VARS1: variants seen among roughly 807,000 people sequenced by gnomAD.
VARS1 encodes valyl-tRNA synthetase 1, also known as valine--tRNA ligase.
Under a neutral mutation model 161.0 loss-of-function variants are expected in VARS1, and 92 were observed. The observed-to-expected ratio is 0.57, with a 90% CI of 0.48 to 0.68. The LOEUF is 0.68. Ranked by LOEUF, VARS1 falls within the 30% of genes least tolerant of loss-of-function variation. VARS1 has a pLI of 0.00. For synonymous variants in VARS1, 595 were observed against 682.5 expected, an observed-to-expected ratio of 0.87 and a Z score of 2.00; for missense variants, 1,338 against 1,695.9, an observed-to-expected ratio of 0.79 and a Z score of 3.71.
At position 31,787,885 on chromosome 6, in the gene VARS1, G is replaced by A. The variant is rs138561526; in HGVS notation, c.1101-2152C>T. 1.2e-3 allele frequency among the ~76,000 whole-genome samples: 182 copies of A among 152,272 alleles called. 1 individual carries two copies. Among genetic ancestry groups the A allele is most frequent in the Non-Finnish European group, 2.4e-3 (161 of 68,008 alleles). On this transcript the variant is annotated intron_variant, in intron 8 of 29. Coordinates refer to ENST00000375663, the MANE Select transcript of VARS1 (RefSeq NM_006295.3). ...TATAATCCCAGCACTTTGGGACGCC[G>A]AGGTACGCGAATCACGAGGTCAGGA...
Position 31,781,721 on chromosome 6 carries a change from G to C in VARS1, c.2388C>G (p.Phe796Leu), listed in dbSNP as rs755472759. 1.2e-6 allele frequency: 2 copies of C among 1,613,042 alleles called. No homozygotes were observed. Among genetic ancestry groups the C allele is most frequent in the South Asian group, 1.1e-5 (1 of 91,090 alleles). ...VLDTWFSSGL[F>L]PLSILGWPNQ... ...TGGGCCAGCCCAAAATGGATAAGGG[G>C]AAGAGGCCAGAGGAGAACCAGGTAT... The change falls in exon 20 of 30, where the codon TTC becomes TTG. Residue 796 changes from phenylalanine (F) to leucine (L), a missense_variant. Phe to Leu is a conservative substitution (Grantham distance 22). Coordinates refer to ENST00000375663, the MANE Select transcript of VARS1 (RefSeq NM_006295.3). The surrounding 1 kb of genome is among the most constrained non-coding windows in gnomAD (Gnocchi z 6.8).
chr6:31,781,404 C>A lies in VARS1; in HGVS notation c.2544+77G>T. ...CACAGCTAACCCCATGCCCCAGCCACGCGGGGTCTGCGCTGCAGCACAGGA... is the reference window on the plus strand; with the variant it reads ...CACAGCTAACCCCATGCCCCAGCCAAGCGGGGTCTGCGCTGCAGCACAGGA... On this transcript the variant is annotated intron_variant, in intron 21 of 29. Transcript: ENST00000375663. This position sits in a 1 kb window ranked among gnomAD's most constrained non-coding sequence, Gnocchi z 6.8. 2.6e-6 allele frequency: 4 copies of A among 1,559,634 alleles called. No homozygotes were observed. The highest frequency in any genetic ancestry group is 2.6e-6 in the Non-Finnish European group (3 of 1,155,402).
rs368747450 is a variant in VARS1 at position 31,781,665 on chromosome 6, G to A, written c.2418+26C>T. 29 of 1,612,720 alleles carry A rather than the reference G, an allele frequency of 1.8e-5. No homozygotes were observed. Among genetic ancestry groups the A allele is most frequent in the African/African-American group, 5.3e-5 (4 of 74,886 alleles). On this transcript the variant is annotated intron_variant, in intron 20 of 29. Coordinates refer to ENST00000375663, the MANE Select transcript of VARS1 (RefSeq NM_006295.3). The surrounding 1 kb of genome is among the most constrained non-coding windows in gnomAD (Gnocchi z 6.8). ...CACCCACCCTCCAGTCCCCTGTCCCGCCAAGCCCCGGCCCCAGGAACACAC... is the reference window on the plus strand; with the variant it reads ...CACCCACCCTCCAGTCCCCTGTCCCACCAAGCCCCGGCCCCAGGAACACAC...
intron 8 of VARS1, among the ~76,000 whole-genome samples, chr6:31,789,985 T>C (rs1380602524): frequency 6.6e-6 from 1 of 151,678 alleles, no homozygotes; most frequent in Non-Finnish European, 1.5e-5. Flanking sequence ...GAGCCGAGAC[T>C]GTGCCACTGC....
Position 31,780,866 on chromosome 6 carries a change from A to G in VARS1, c.2718+4T>C. On this transcript the variant is annotated splice_donor_region_variant and intron_variant, in intron 23 of 29. Coordinates refer to ENST00000375663, the MANE Select transcript of VARS1 (RefSeq NM_006295.3). This position sits in a 1 kb window ranked among gnomAD's most constrained non-coding sequence, Gnocchi z 5.1. ...CCTGCTTAGCCCAGCCCAACCCTCC[A>G]TACCTGCCCTTCTTTGGCCTTCTCC... is the stretch of plus-strand genomic sequence containing the variant. The G allele has an allele frequency of 6.2e-7, 1 of 1,614,138 alleles. No individual in the cohort carries two copies. The highest frequency in any genetic ancestry group is 1.3e-5 in the African/African-American group (1 of 75,022).
At position 31,782,277 on chromosome 6, in the gene VARS1, C is replaced by G. The variant is rs747568246; in HGVS notation, c.2150+8G>C. ...GCAAGCCCCTCCCACACTGAGGACC[C>G]TACACACCGGATGTTGTCCATCCAG... is the stretch of plus-strand genomic sequence containing the variant. On this transcript the variant is annotated splice_region_variant and intron_variant, in intron 17 of 29. Coordinates refer to ENST00000375663, the MANE Select transcript of VARS1 (RefSeq NM_006295.3). This position sits in a 1 kb window ranked among gnomAD's most constrained non-coding sequence, Gnocchi z 8.3. The G allele has an allele frequency of 6.2e-7, 1 of 1,612,320 alleles. No homozygotes were observed. Among genetic ancestry groups the G allele is most frequent in the East Asian group, 2.2e-5 (1 of 44,860 alleles).
intron 8 of VARS1, among the ~76,000 whole-genome samples, chr6:31,787,154 T>C (rs1813562224): frequency 6.6e-6 from 1 of 151,784 alleles, no homozygotes; most frequent in Non-Finnish European, 1.5e-5. Flanking sequence ...CAAGCTATGA[T>C]TGTGCTGTGA....
At position 31,785,623 on chromosome 6, in the gene VARS1, C is replaced by T. The variant is rs780194644; in HGVS notation, c.1211G>A (p.Arg404Gln). Residue 404 changes from arginine (R) to glutamine (Q), a missense_variant, in exon 9 of 30, where the codon CGG becomes CAG. Around this residue, in one of 3 missense-constraint regions of VARS1, gnomAD observed 902 missense variants for 1,090.3 expected, o/e 0.83. Transcript: ENST00000375663. The surrounding 1 kb of genome is among the most constrained non-coding windows in gnomAD (Gnocchi z 6.1). The stretch of plus-strand genomic sequence containing the variant: ...AAAGGCCTCGCGGCCCAGCTGGTGC[C>T]GGCTCAGTCCCTGCTCACGCCATAG... ...KKLWREQGLS[R>Q]HQLGREAFLQ... 12 of 1,612,780 alleles carry T rather than the reference C, an allele frequency of 7.4e-6. No individual in the cohort carries two copies. The highest frequency in any genetic ancestry group is 3.3e-5 in the South Asian group (3 of 91,088).
Position 31,778,844 on chromosome 6 carries a change from C to G in VARS1, c.3726+123G>C. On this transcript the variant is annotated intron_variant, in intron 29 of 29. Transcript: ENST00000375663. This position sits in a 1 kb window ranked among gnomAD's most constrained non-coding sequence, Gnocchi z 5.1. ...AAGGCTAGTGGGAGTGGAGAAGGAA[C>G]AAAGAAATCTGTAACTGGTTACGAT... The G allele has an allele frequency of 7.5e-7, 1 of 1,339,110 alleles. No individual in the cohort carries two copies. Among genetic ancestry groups the G allele is most frequent in the African/African-American group, 1.5e-5 (1 of 68,664 alleles). The allele number at this position is 1,339,110 out of a possible 1,614,324, so 83.0% of individuals were successfully genotyped here. A position where few individuals can be genotyped will look rare whatever the true frequency, so the allele number is the denominator to read the frequency against.
In VARS1 at chr6:31,777,549, C is replaced by T. The variant is rs779816895; in HGVS notation, c.*45G>A. 1 of 1,611,258 alleles carries T rather than the reference C, an allele frequency of 6.2e-7. No homozygotes were observed. The highest frequency in any genetic ancestry group is 8.5e-7 in the Non-Finnish European group (1 of 1,177,624). ...GGGAAAATATTTTATTGCTGCCATC[C>T]CCATGGTGAGCCGCTGGGGGTGAGG... On this transcript the variant is annotated 3_prime_UTR_variant, in exon 30 of 30. Transcript: ENST00000375663. The surrounding 1 kb of genome is among the most constrained non-coding windows in gnomAD (Gnocchi z 5.8).
Position 31,785,598 on chromosome 6 carries a change from A to G in VARS1, c.1236T>C (p.Phe412=). 6.2e-7 allele frequency: 1 copy of G among 1,612,244 alleles called. No homozygotes were observed. The highest frequency in any genetic ancestry group is 8.5e-7 in the Non-Finnish European group (1 of 1,179,668). ...LSRHQLGREA[F]LQEVWKWKEE... Reference sequence around the variant, plus strand: ...CCTTCCACTTCCAGACTTCCTGTAGAAAGGCCTCGCGGCCCAGCTGGTGCC... The same window carrying G: ...CCTTCCACTTCCAGACTTCCTGTAGGAAGGCCTCGCGGCCCAGCTGGTGCC... Residue 412 remains phenylalanine (F), a synonymous_variant, in exon 9 of 30, where the codon TTT becomes TTC. Transcript: ENST00000375663. This position sits in a 1 kb window ranked among gnomAD's most constrained non-coding sequence, Gnocchi z 6.1.
Position 31,795,256 on chromosome 6 carries a change from GAGAA to G in VARS1, c.-33-10_-33-7del. ...TCCGAACGAAGTGGAAAAACCTAAG[GAGAA>G]AGAGAGACAGGGGAAGACTGCGGGA... On this transcript the variant is annotated splice_polypyrimidine_tract_variant and splice_region_variant and intron_variant, in intron 1 of 29. Transcript: ENST00000375663. The surrounding 1 kb of genome is among the most constrained non-coding windows in gnomAD (Gnocchi z 6.9). 1 of 1,386,642 alleles carries G rather than the reference GAGAA, an allele frequency of 7.2e-7. No homozygotes were observed. The highest frequency in any genetic ancestry group is 9.4e-7 in the Non-Finnish European group (1 of 1,067,488). 85.9% of individuals were successfully genotyped at this position (1,386,642 alleles called of 1,614,324 possible). A position where few individuals can be genotyped will look rare whatever the true frequency, so the allele number is the denominator to read the frequency against.
rs748387642 is a variant in VARS1, at chr6:31,784,009, T to C, written c.1671+205A>G. ...AAGGGCTGGGCCCAAGTCCTTCCTT[T>C]CCAGGGCCCTGACTATCCCAACACT... is the stretch of plus-strand genomic sequence containing the variant. On this transcript the variant is annotated intron_variant, in intron 13 of 29. Coordinates refer to ENST00000375663, the MANE Select transcript of VARS1 (RefSeq NM_006295.3). This position sits in a 1 kb window ranked among gnomAD's most constrained non-coding sequence, Gnocchi z 6.1. Among the ~76,000 whole-genome samples the C allele has an allele frequency of 7.2e-5, 11 of 152,128 alleles. No homozygotes were observed. The highest frequency in any genetic ancestry group is 1.0e-4 in the Non-Finnish European group (7 of 68,018).
At position 31,781,711 on chromosome 6, in the gene VARS1, T is replaced by C. The variant is rs765844833; in HGVS notation, c.2398A>G (p.Ile800Val). ...CACACCTGGTTGGGCCAGCCCAAAA[T>C]GGATAAGGGGAAGAGGCCAGAGGAG... The part of the protein sequence containing the change: ...WFSSGLFPLS[I>V]LGWPNQSEDL... The change falls in exon 20 of 30, where the codon ATT (isoleucine) becomes GTT (valine). Residue 800 changes from isoleucine (I) to valine (V), a missense_variant. Ile to Val is a conservative substitution (Grantham distance 29, BLOSUM62 3). This residue lies in a region of VARS1 where 902 missense variants were observed against 1,090.3 expected (regional missense o/e 0.83). Transcript: ENST00000375663. The surrounding 1 kb of genome is among the most constrained non-coding windows in gnomAD (Gnocchi z 6.8). 2 of 1,612,912 alleles carry C rather than the reference T, an allele frequency of 1.2e-6. No homozygotes were observed. The highest frequency in any genetic ancestry group is 1.7e-6 in the Non-Finnish European group (2 of 1,179,972).
intron 2 of VARS1, 128 bp from the exon 3 acceptor site, chr6:31,793,248 T>C (rs1814013696): frequency 7.1e-6 from 9 of 1,262,908 alleles, no homozygotes; most frequent in Non-Finnish European, 8.5e-6. Flanking sequence ...ATTTCTTCAC[T>C]CAAATAGTCA....
chr6:31,780,797 G>A lies in VARS1; in HGVS notation c.2719-14C>T, dbSNP rs374313949. The A allele has an allele frequency of 6.2e-7, 1 of 1,614,150 alleles. No homozygotes were observed. Among genetic ancestry groups the A allele is most frequent in the Admixed American group, 1.7e-5 (1 of 60,022 alleles). ...GAAGTCAGCTTTCTACAGGGAAGAG[G>A]CAGGGGGAGGAGCGTCCTCAGCCAG... On this transcript the variant is annotated splice_polypyrimidine_tract_variant and intron_variant, in intron 23 of 29. Transcript: ENST00000375663. This position sits in a 1 kb window ranked among gnomAD's most constrained non-coding sequence, Gnocchi z 5.1.
In VARS1 at chr6:31,781,496, C is replaced by G; in HGVS notation, c.2529G>C (p.Arg843Ser). 1 of 1,612,704 alleles carries G rather than the reference C, an allele frequency of 6.2e-7. No individual in the cohort carries two copies. The highest frequency in any genetic ancestry group is 8.5e-7 in the Non-Finnish European group (1 of 1,179,916). ...GTCTCCGCACCTCTCTAAAGGGCAG[C>G]CTGCCCGTGAGCTTCAGGCCCAGCA... ...MVMLGLKLTGRLPFREVYLHA... is the reference protein window; with the variant it reads ...MVMLGLKLTGSLPFREVYLHA... The change falls in exon 21 of 30, where the codon AGG becomes AGC. Residue 843 changes from arginine (R) to serine (S), a missense_variant. By Grantham distance (110) the Arg-to-Ser change is moderately radical (BLOSUM62 -1). This residue lies in a region of VARS1 where 433 missense variants were observed against 586.2 expected (regional missense o/e 0.74). Transcript: ENST00000375663. The surrounding 1 kb of genome is among the most constrained non-coding windows in gnomAD (Gnocchi z 6.8).
chr6:31,790,602 C>CA (rs9279419), intron 8 of VARS1, among the ~76,000 whole-genome samples: 739 of 43,420 alleles, frequency 0.017, 94 homozygotes, highest in South Asian at 0.026. Context: ...AACTCTGTCT[C>CA]AAAAAAAAAA....
chr6:31,782,850 G>T lies in VARS1; in HGVS notation c.1763-5C>A, dbSNP rs747187489. The T allele has an allele frequency of 1.3e-5, 21 of 1,608,762 alleles. No individual in the cohort carries two copies. The South Asian group carries it at 2.1e-4, about 16-fold the overall frequency. On this transcript the variant is annotated splice_region_variant and splice_polypyrimidine_tract_variant and intron_variant, in intron 14 of 29. Coordinates refer to ENST00000375663, the MANE Select transcript of VARS1 (RefSeq NM_006295.3). The surrounding 1 kb of genome is among the most constrained non-coding windows in gnomAD (Gnocchi z 8.3). ...CGGGGGTGATCTTCACAGCACCTGG[G>T]TGTACATCAGGATGCCCAGGTCATG... is the stretch of plus-strand genomic sequence containing the variant.
Sources: allele counts gnomAD v4.1 joint callset (sites outside exome capture counted in the v4.1 genomes callset), GRCh38; gene constraint gnomAD v4.1.1; regional missense constraint gnomAD v4.1.1; non-coding constraint Gnocchi (gnomAD v3.1); transcripts MANE v1.5; gene names NCBI Gene and HGNC (gene_info 2026-07-23, HGNC 2026-07-21).